HNMT: variants seen among roughly 807,000 people sequenced by gnomAD.
HNMT encodes the protein histamine N-methyltransferase.
HNMT carries 30 observed loss-of-function variants against 32.1 expected under a neutral mutation model. The ratio of observed to expected loss-of-function variants is 0.93; its 90% CI spans 0.70 to 1.27. The LOEUF is 1.27. Among genes scored for constraint, HNMT ranks in the 50% most tolerant of loss-of-function variants. HNMT has a pLI of 0.00. For missense variants in HNMT, 327 were observed against 346.0 expected (o/e 0.95, Z 0.43); for synonymous variants, 125 against 119.0 (o/e 1.05, Z -0.33).
chr2:137,979,398 G>A (rs149510373), intron 2 of HNMT, among the ~76,000 whole-genome samples: 2,483 of 151,986 alleles, frequency 0.016, 69 homozygotes, highest in African/African-American at 0.056. Context: ...AGCCTCCCGC[G>A]TAGCTGGGAC....
At chr2:137,990,964 G>A (rs934479368) in intron 2 of HNMT, among the ~76,000 whole-genome samples, 3 of 152,142 alleles carry the variant, frequency 2.0e-5, no homozygotes, top group Non-Finnish European at 4.4e-5. Context: ...GACACCAGTT[G>A]CAAGTTTGGG....
chr2:137,974,073 T>C (rs1680214910), intron 2 of HNMT, among the ~76,000 whole-genome samples: 1 of 151,910 alleles, frequency 6.6e-6, no homozygotes, highest in South Asian at 2.2e-4. Context: ...CACATTCTAA[T>C]GTTAGGAAAA....
At chr2:137,978,433 C>CATATGATTATATAATATAGTATTATATAA (rs1456957613) in intron 2 of HNMT, among the ~76,000 whole-genome samples, 2 of 135,864 alleles carry the variant, frequency 1.5e-5, no homozygotes, top group African/African-American at 2.7e-5. Context: ...GTATTATATA[C>CATATGATTATATAATATAGTATTATATAA]AATACATATG....
chr2:137,999,291 C>T (rs1382096929), intron 2 of HNMT, among the ~76,000 whole-genome samples: 1 of 152,142 alleles, frequency 6.6e-6, no homozygotes, highest in Non-Finnish European at 1.5e-5. Flanking sequence ...TAATAAATGG[C>T]AGCTATAGTC....
chr2:138,004,992 T>C, intron 4 of HNMT, 140 bp from the exon 5 acceptor site: 1 of 585,920 alleles, frequency 1.7e-6, no homozygotes, highest in South Asian at 2.5e-5. Context: ...TGCAACGTCT[T>C]TAATCTTTAA....
intron 2 of HNMT, among the ~76,000 whole-genome samples, chr2:137,984,966 G>T (rs1312066499): frequency 6.6e-6 from 1 of 152,082 alleles, no homozygotes; most frequent in African/African-American, 2.4e-5. Context: ...GGGCTGGCAT[G>T]AGTTAATTAT....
At chr2:138,002,629 T>C in intron 4 of HNMT, 1 of 218,318 alleles carries the variant, frequency 4.6e-6, no homozygotes, top group Non-Finnish European at 7.8e-6. Context: ...TTATTTTTTG[T>C]AGAGATGGGG....
intron 2 of HNMT, among the ~76,000 whole-genome samples, chr2:137,983,050 G>A (rs926739812): frequency 1.6e-4 from 24 of 152,134 alleles, no homozygotes; most frequent in African/African-American, 4.8e-4. Context: ...TTCCTGAAGC[G>A]CATGATTTTT....
intron 1 of HNMT, chr2:137,967,309 G>A (rs1378345840): frequency 1.8e-6 from 1 of 541,610 alleles, no homozygotes; most frequent in Non-Finnish European, 3.3e-6. Context: ...ACGCTGAAGT[G>A]GGAAGATCAC....
At position 138,002,061 on chromosome 2, in the gene HNMT, T is replaced by C. The variant is rs764659932; in HGVS notation, c.299-3T>C. The stretch of plus-strand genomic sequence containing the variant: ...GGTGTGTCACCTCTTCTCTGTATTT[T>C]AGAGCTTGTAGCCAAGACATCGAAC... On this transcript the variant is annotated splice_polypyrimidine_tract_variant and splice_region_variant and intron_variant, in intron 3 of 5. Transcript: ENST00000280097. 4 of 1,556,042 alleles carry C rather than the reference T, an allele frequency of 2.6e-6. No individual in the cohort carries two copies. The highest frequency in any genetic ancestry group is 4.0e-5 in the Admixed American group (2 of 50,394).
chr2:137,974,222 G>A (rs1297849688), intron 2 of HNMT, among the ~76,000 whole-genome samples: 1 of 152,166 alleles, frequency 6.6e-6, no homozygotes, highest in Admixed American at 6.5e-5. Context: ...ATGTATATGA[G>A]TTTGTGTGCT....
intron 2 of HNMT, among the ~76,000 whole-genome samples, chr2:137,995,237 T>C (rs1680955143): frequency 6.6e-6 from 1 of 151,652 alleles, no homozygotes; most frequent in South Asian, 2.1e-4. Context: ...AGGAGCTGGT[T>C]TTTTGAAAAA....
chr2:137,999,584 G>A (rs150877386), intron 2 of HNMT, among the ~76,000 whole-genome samples: 83 of 152,172 alleles, frequency 5.5e-4, no homozygotes, highest in African/African-American at 1.9e-3. Context: ...CCTGCTATGT[G>A]CAGCCTTGGA....
At chr2:137,993,137 G>C (rs111570114) in intron 2 of HNMT, among the ~76,000 whole-genome samples, 9 of 152,282 alleles carry the variant, frequency 5.9e-5, no homozygotes, top group African/African-American at 2.2e-4. Flanking sequence ...AGGTCAGAGT[G>C]CCTTTTGTCC....
At chr2:137,965,992 G>GTA (rs1421410209) in intron 1 of HNMT, among the ~76,000 whole-genome samples, 2 of 152,192 alleles carry the variant, frequency 1.3e-5, no homozygotes, top group African/African-American at 4.8e-5. Flanking sequence ...TATAACAGTA[G>GTA]TATATAGTTA....
chr2:138,012,830 G>C (rs1027321409), intron 5 of HNMT, among the ~76,000 whole-genome samples: 1 of 151,914 alleles, frequency 6.6e-6, no homozygotes, highest in African/African-American at 2.4e-5. Context: ...GTTGGATCTC[G>C]GAGTATAACA....
intron 2 of HNMT, among the ~76,000 whole-genome samples, chr2:137,983,633 T>C (rs1680568305): frequency 6.6e-6 from 1 of 152,174 alleles, no homozygotes; most frequent in Non-Finnish European, 1.5e-5. Flanking sequence ...TTTGGAACTC[T>C]GGCTCATAGA....
chr2:138,012,753 A>C (rs1481632524), intron 5 of HNMT, among the ~76,000 whole-genome samples: 1 of 152,006 alleles, frequency 6.6e-6, no homozygotes, highest in Non-Finnish European at 1.5e-5. Flanking sequence ...CCTCACAGAA[A>C]TTACTGGGGT....
intron 2 of HNMT, among the ~76,000 whole-genome samples, chr2:137,978,495 T>C (rs1304147871): frequency 1.4e-5 from 2 of 138,262 alleles, no homozygotes; most frequent in Non-Finnish European, 3.0e-5. Context: ...TATAGTATTA[T>C]ACAATACATA....
Sources: gnomAD v4.1 joint callset for allele counts (sites outside exome capture counted in the v4.1 genomes callset) on GRCh38, gnomAD v4.1.1 for gene constraint, MANE v1.5 for transcripts, NCBI Gene and HGNC (gene_info 2026-07-23, HGNC 2026-07-21) for gene names.